The following TOX variants were observed in gnomAD, a reference collection of about 807,000 sequenced individuals.
TOX encodes thymocyte selection associated high mobility group box.
TOX carries 11 observed loss-of-function variants against 53.7 expected under a neutral mutation model. The observed-to-expected ratio is 0.20, with a 90% CI of 0.13 to 0.34. TOX has a LOEUF of 0.34. Among genes scored for constraint, TOX ranks in the 10% least tolerant of loss-of-function variants. The pLI, the probability that TOX is intolerant of heterozygous loss-of-function variation, is 1.00. For synonymous variants in TOX, 225 were observed against 245.3 expected, an observed-to-expected ratio of 0.92 and a Z score of 0.77; for missense variants, 570 against 664.6, an observed-to-expected ratio of 0.86 and a Z score of 1.56.
intron 3 of TOX, among the ~76,000 whole-genome samples, chr8:58,896,216 G>A (rs1230561176): frequency 1.3e-5 from 2 of 152,062 alleles, no homozygotes; most frequent in Non-Finnish European, 2.9e-5. Context: ...GGAGGTTCAA[G>A]CGGAAAACCC....
At chr8:58,928,260 G>A (rs1047867176) in intron 3 of TOX, among the ~76,000 whole-genome samples, 9 of 152,196 alleles carry the variant, frequency 5.9e-5, no homozygotes, top group African/African-American at 2.2e-4. Flanking sequence ...GGAAATACAG[G>A]CCAGCCTTGT....
intron 8 of TOX, 52 bp from the exon 9 acceptor site, chr8:58,807,835 A>C (rs1175609900): frequency 6.2e-7 from 1 of 1,605,786 alleles, no homozygotes; most frequent in Non-Finnish European, 8.5e-7. Flanking sequence ...CCTGTGCTAC[A>C]GGTGACAATG....
At chr8:59,046,851 T>C (rs1367517554) in intron 1 of TOX, among the ~76,000 whole-genome samples, 4 of 77,198 alleles carry the variant, frequency 5.2e-5, no homozygotes, top group Non-Finnish European at 9.1e-5. Context: ...AGAGTGAGAC[T>C]ATGTCTCAAA....
chr8:58,850,777 T>C (rs1333841593), intron 4 of TOX, among the ~76,000 whole-genome samples: 3 of 152,212 alleles, frequency 2.0e-5, no homozygotes, highest in Admixed American at 1.3e-4. Context: ...AATCACTATC[T>C]GGACTGAAAA....
intron 7 of TOX, among the ~76,000 whole-genome samples, chr8:58,809,614 C>T (rs985988695): frequency 6.6e-6 from 1 of 152,218 alleles, no homozygotes; most frequent in Non-Finnish European, 1.5e-5. Context: ...CTTGATCTCA[C>T]ACAGACTAAA....
At chr8:59,025,744 T>C (rs1173599091) in intron 1 of TOX, among the ~76,000 whole-genome samples, 1 of 152,140 alleles carries the variant, frequency 6.6e-6, no homozygotes, top group Non-Finnish European at 1.5e-5. Context: ...CCCAGGCAGA[T>C]GGTTCGCTTA....
At chr8:58,925,300 CAT>C (rs1417544723) in intron 3 of TOX, among the ~76,000 whole-genome samples, 1 of 152,190 alleles carries the variant, frequency 6.6e-6, no homozygotes, top group Non-Finnish European at 1.5e-5. Context: ...TGAAAACTCA[CAT>C]GAGAATAAAG....
intron 4 of TOX, among the ~76,000 whole-genome samples, chr8:58,847,128 A>C (rs989165263): frequency 4.6e-5 from 7 of 152,172 alleles, no homozygotes; most frequent in African/African-American, 1.7e-4. Flanking sequence ...ATCCACCTTT[A>C]AACAAGCTCT....
intron 4 of TOX, among the ~76,000 whole-genome samples, chr8:58,842,731 G>T (rs1190440109): frequency 6.6e-6 from 1 of 152,192 alleles, no homozygotes. Context: ...AGAAACAGGA[G>T]AACTTGTTAC....
intron 1 of TOX, among the ~76,000 whole-genome samples, chr8:58,964,135 G>A (rs1029968819): frequency 2.6e-5 from 4 of 151,956 alleles, no homozygotes; most frequent in African/African-American, 9.7e-5. Flanking sequence ...AATGGCCAGG[G>A]CACCATTACT....
intron 3 of TOX, among the ~76,000 whole-genome samples, chr8:58,931,991 GC>G (rs550927058): frequency 3.0e-4 from 46 of 152,140 alleles, no homozygotes; most frequent in African/African-American, 1.1e-3. Context: ...AGCAATAAAA[GC>G]CCCAAATCGT....
chr8:58,960,303 A>G (rs1812778995), intron 1 of TOX, among the ~76,000 whole-genome samples: 1 of 152,206 alleles, frequency 6.6e-6, no homozygotes, highest in African/African-American at 2.4e-5. Flanking sequence ...TTAAAACAAA[A>G]TGGCTCATTT....
At position 59,016,916 on chromosome 8, in the gene TOX, A is replaced by G. The variant is rs910620680; in HGVS notation, c.103-56908T>C. Among the ~76,000 whole-genome samples, 13 of 152,342 alleles carry G rather than the reference A, an allele frequency of 8.5e-5. 1 individual carries two copies. In the East Asian group the frequency reaches 2.5e-3, roughly 29 times the overall value. ...TAGCTTTGTAGAGTGTGCGCCTAGCAGAGCTTCTGGGTCAGCCTCCCAATC... is the reference window on the plus strand; with the variant it reads ...TAGCTTTGTAGAGTGTGCGCCTAGCGGAGCTTCTGGGTCAGCCTCCCAATC... On this transcript the variant is annotated intron_variant, in intron 1 of 8. Coordinates refer to ENST00000361421, the MANE Select transcript of TOX (RefSeq NM_014729.3).
chr8:58,891,159 C>G (rs1406832305), intron 3 of TOX, among the ~76,000 whole-genome samples: 1 of 151,928 alleles, frequency 6.6e-6, no homozygotes, highest in Non-Finnish European at 1.5e-5. Context: ...GAGACACTAG[C>G]GATCTTTAGG....
At chr8:58,939,599 C>G in intron 2 of TOX, 55 bp from the exon 3 acceptor site, 1 of 1,540,022 alleles carries the variant, frequency 6.5e-7, no homozygotes, top group Non-Finnish European at 8.7e-7. Context: ...TGCTCTTCAT[C>G]ATCATATCAA....
chr8:59,064,433 T>C (rs1193285346), intron 1 of TOX, among the ~76,000 whole-genome samples: 1 of 152,240 alleles, frequency 6.6e-6, no homozygotes, highest in Non-Finnish European at 1.5e-5. Flanking sequence ...GTTTGCATTG[T>C]CTTAACTCTG....
At chr8:58,832,458 G>C (rs564559746) in intron 5 of TOX, among the ~76,000 whole-genome samples, 1 of 152,142 alleles carries the variant, frequency 6.6e-6, no homozygotes, top group African/African-American at 2.4e-5. Flanking sequence ...CAGGATTTTA[G>C]TTAACCTTAA....
intron 2 of TOX, among the ~76,000 whole-genome samples, chr8:58,957,737 T>C (rs1244321004): frequency 6.6e-6 from 1 of 152,240 alleles, no homozygotes; most frequent in African/African-American, 2.4e-5. Context: ...TGTTGAGTGA[T>C]GCTATGAGGC....
At chr8:58,871,303 A>G (rs1411749305) in intron 3 of TOX, among the ~76,000 whole-genome samples, 1 of 152,058 alleles carries the variant, frequency 6.6e-6, no homozygotes, top group Non-Finnish European at 1.5e-5. Context: ...TTAGGGTGGT[A>G]TTATTCCGTA....
Sources: allele counts gnomAD v4.1 joint callset (sites outside exome capture counted in the v4.1 genomes callset), GRCh38; gene constraint gnomAD v4.1.1; transcripts MANE v1.5; gene names NCBI Gene and HGNC (gene_info 2026-07-23, HGNC 2026-07-21).